The following SMPD3 variants were observed in gnomAD, a reference collection of about 807,000 sequenced individuals.
The protein encoded by SMPD3 is sphingomyelin phosphodiesterase 3, also known as nSMase-2.
Under a neutral mutation model 55.7 loss-of-function variants are expected in SMPD3, and 21 were observed. That is an observed-to-expected ratio of 0.38 (90% CI 0.27 to 0.54). SMPD3 has a LOEUF of 0.54. Among genes scored for constraint, SMPD3 ranks in the 20% least tolerant of loss-of-function variants. The probability of loss-of-function intolerance (pLI) is 0.80; values close to 1 mark genes in which losing one functional copy is unlikely to be tolerated. For missense variants in SMPD3, 842 were observed against 899.6 expected, an observed-to-expected ratio of 0.94 and a Z score of 0.82; for synonymous variants, 457 against 404.3, an observed-to-expected ratio of 1.13 and a Z score of -1.56.
In SMPD3 at chr16:68,378,451, CAT is replaced by C. The variant is rs1469321691; in HGVS notation, c.-206-6066_-206-6065del. ...ATTGGGGTCTGGGGTCTGGCAAGAA[CAT>C]GTGTGCTGTGGCAGCGGCTCCTACA... On this transcript the variant is annotated intron_variant, in intron 2 of 8. Coordinates refer to ENST00000219334, the MANE Select transcript of SMPD3 (RefSeq NM_018667.4). 2.0e-5 allele frequency among the ~76,000 whole-genome samples: 3 copies of C among 152,198 alleles called. No homozygotes were observed. In the East Asian group the frequency reaches 5.8e-4, roughly 29 times the overall value.
intron 1 of SMPD3, among the ~76,000 whole-genome samples, chr16:68,398,175 C>A (rs1214626225): frequency 6.6e-6 from 1 of 151,932 alleles, no homozygotes; most frequent in Non-Finnish European, 1.5e-5. Flanking sequence ...AAAAGGGGGT[C>A]AAGGACAGAA....
At chr16:68,369,968 T>A (rs1458302199) in intron 3 of SMPD3, 2 of 152,288 alleles carry the variant, frequency 1.3e-5, no homozygotes, top group Non-Finnish European at 2.9e-5. Flanking sequence ...CCACCACTTT[T>A]TCATGTCTCA....
intron 1 of SMPD3, among the ~76,000 whole-genome samples, chr16:68,436,861 C>A (rs1424967231): frequency 2.0e-5 from 3 of 152,130 alleles, no homozygotes; most frequent in Non-Finnish European, 4.4e-5. Flanking sequence ...TCATCCTCAC[C>A]GACTGTATAC....
At chr16:68,408,601 C>A (rs2090271623) in intron 1 of SMPD3, among the ~76,000 whole-genome samples, 1 of 152,208 alleles carries the variant, frequency 6.6e-6, no homozygotes, top group Non-Finnish European at 1.5e-5. Context: ...CTGAATGAAT[C>A]ATTTCAGGTC....
chr16:68,396,633 G>A (rs543225627), intron 1 of SMPD3, among the ~76,000 whole-genome samples: 1 of 144,366 alleles, frequency 6.9e-6, no homozygotes, highest in East Asian at 2.2e-4. Flanking sequence ...TCCCTGACAG[G>A]CATTCCAGGA....
intron 3 of SMPD3, among the ~76,000 whole-genome samples, chr16:68,365,512 C>A (rs548149485): frequency 6.7e-6 from 1 of 148,800 alleles, no homozygotes; most frequent in Non-Finnish European, 1.5e-5. Context: ...CTTTCTCCCC[C>A]TGAAATCTCA....
At chr16:68,370,103 T>C (rs530328116) in intron 3 of SMPD3, 1 of 152,306 alleles carries the variant, frequency 6.6e-6, no homozygotes, top group Non-Finnish European at 1.5e-5. Context: ...GGCTTTTGGA[T>C]AGAGAACAAA....
chr16:68,387,784 C>T (rs561785918), intron 1 of SMPD3, among the ~76,000 whole-genome samples: 5 of 152,366 alleles, frequency 3.3e-5, no homozygotes, highest in South Asian at 4.1e-4. Context: ...CACACCGCAT[C>T]CCTTAGGTAC....
chr16:68,395,221 G>A (rs914452118), intron 1 of SMPD3, among the ~76,000 whole-genome samples: 1 of 152,196 alleles, frequency 6.6e-6, no homozygotes, highest in South Asian at 2.1e-4. Context: ...CTAATTAGCT[G>A]TGTATTTCCT....
At position 68,386,917 on chromosome 16, in the gene SMPD3, A is replaced by C. The variant is rs1230597887; in HGVS notation, c.-268-258T>G. Among the ~76,000 whole-genome samples the C allele has an allele frequency of 3.9e-5, 6 of 152,102 alleles. No homozygotes were observed. The East Asian group carries it at 1.2e-3, about 29-fold the overall frequency. On this transcript the variant is annotated intron_variant, in intron 1 of 8. Transcript: ENST00000219334. ...TTCAAGGAGGAGGGTTGCCAAGAGG[A>C]GAGGACTCTGAGGGTGGGATGGATG... is the stretch of plus-strand genomic sequence containing the variant.
chr16:68,379,226 C>T (rs1184720256), intron 2 of SMPD3, among the ~76,000 whole-genome samples: 3 of 152,230 alleles, frequency 2.0e-5, no homozygotes, highest in Non-Finnish European at 4.4e-5. Flanking sequence ...TGGCCTGTGC[C>T]TTATCGGCAT....
intron 1 of SMPD3, among the ~76,000 whole-genome samples, chr16:68,437,368 G>A (rs771961926): frequency 6.6e-6 from 1 of 152,180 alleles, no homozygotes. Flanking sequence ...CAACCCTGTC[G>A]AGTTCAGCAT....
intron 1 of SMPD3, among the ~76,000 whole-genome samples, chr16:68,437,534 G>A (rs2090532550): frequency 6.6e-6 from 1 of 152,198 alleles, no homozygotes; most frequent in Non-Finnish European, 1.5e-5. Flanking sequence ...GCCCACCCTT[G>A]CACTCATCCT....
At chr16:68,439,110 G>T (rs1004879843) in intron 1 of SMPD3, among the ~76,000 whole-genome samples, 1 of 152,166 alleles carries the variant, frequency 6.6e-6, no homozygotes, top group Non-Finnish European at 1.5e-5. Context: ...TTGCCATGGC[G>T]GGAAAAGTTA....
intron 1 of SMPD3, among the ~76,000 whole-genome samples, chr16:68,408,476 G>C (rs1378081480): frequency 6.6e-6 from 1 of 152,206 alleles, no homozygotes; most frequent in Non-Finnish European, 1.5e-5. Flanking sequence ...ATTTAGAAAA[G>C]AAAAGATTGA....
At chr16:68,441,241 T>C (rs1354102377) in intron 1 of SMPD3, among the ~76,000 whole-genome samples, 1 of 152,232 alleles carries the variant, frequency 6.6e-6, no homozygotes, top group Non-Finnish European at 1.5e-5. Context: ...CACCTCATTC[T>C]GCAGGTGAGG....
chr16:68,437,438 C>T (rs760463873), intron 1 of SMPD3, among the ~76,000 whole-genome samples: 15 of 152,192 alleles, frequency 9.9e-5, no homozygotes, highest in Non-Finnish European at 1.9e-4. Flanking sequence ...ATTTCATTTC[C>T]AAGTGTTTGT....
In SMPD3 at chr16:68,415,043, G is replaced by A. The variant is rs573249234; in HGVS notation, c.-268-28384C>T. The stretch of plus-strand genomic sequence containing the variant: ...GGCATCTATGATGAGTCAGAGATGC[G>A]CAGGTGACAACTAAGGTGGCTGGCG... On this transcript the variant is annotated intron_variant, in intron 1 of 8. Transcript: ENST00000219334. Among the ~76,000 whole-genome samples, 6 of 152,260 alleles carry A rather than the reference G, an allele frequency of 3.9e-5. No individual in the cohort carries two copies. In the East Asian group the frequency reaches 5.8e-4, roughly 15 times the overall value.
chr16:68,372,480 T>G, intron 2 of SMPD3, 93 bp from the exon 3 acceptor site: 1 of 465,340 alleles, frequency 2.1e-6, no homozygotes, highest in Non-Finnish European at 4.0e-6. Flanking sequence ...CCACTCCTGC[T>G]TCCCCTGGTG....
Sources: allele counts gnomAD v4.1 joint callset (sites outside exome capture counted in the v4.1 genomes callset), GRCh38; gene constraint gnomAD v4.1.1; transcripts MANE v1.5; gene names NCBI Gene and HGNC (gene_info 2026-07-23, HGNC 2026-07-21).